SH3BGR: variants seen among roughly 807,000 people sequenced by gnomAD.
SH3BGR encodes the protein SH3 domain-binding glutamic acid-rich protein.
Under a neutral mutation model 24.5 loss-of-function variants are expected in SH3BGR, and 29 were observed. The ratio of observed to expected loss-of-function variants is 1.18; its 90% CI spans 0.88 to 1.61. The LOEUF (loss-of-function observed/expected upper bound fraction) is 1.61. Among genes scored for constraint, SH3BGR ranks in the 40% most tolerant of loss-of-function variants. SH3BGR has a pLI of 0.00. For missense variants in SH3BGR, 162 were observed against 205.8 expected (o/e 0.79, Z 1.30); for synonymous variants, 55 against 65.7 (o/e 0.84, Z 0.79).
At chr21:39,471,566 C>T (rs867931116) in intron 2 of SH3BGR, among the ~76,000 whole-genome samples, 1 of 152,230 alleles carries the variant, frequency 6.6e-6, no homozygotes, top group Middle Eastern at 3.4e-3. Context: ...ATTTCCTCCA[C>T]ATTTTTCATC....
chr21:39,505,036 C>A (rs1414972673), intron 4 of SH3BGR, among the ~76,000 whole-genome samples: 2 of 152,178 alleles, frequency 1.3e-5, no homozygotes, highest in African/African-American at 4.8e-5. Context: ...TGGCCTCAAA[C>A]TCCTGGCCTC....
intron 5 of SH3BGR, among the ~76,000 whole-genome samples, chr21:39,510,429 TACACACACACACAC>T (rs140320437): frequency 2.8e-5 from 3 of 105,602 alleles, no homozygotes; most frequent in African/African-American, 1.2e-4. Flanking sequence ...ACACTGTAGC[TACACACACACACAC>T]ACACACACAC....
chr21:39,469,058 G>A (rs958122601), intron 2 of SH3BGR, among the ~76,000 whole-genome samples: 3 of 149,112 alleles, frequency 2.0e-5, no homozygotes, highest in African/African-American at 7.5e-5. Flanking sequence ...TGCCCAGGCT[G>A]GAGTGCAGTG....
intron 3 of SH3BGR, 59 bp from the exon 4 acceptor site, chr21:39,499,764 G>GTTTTTTTTTTTTTTTTTTTT: frequency 9.6e-7 from 1 of 1,041,766 alleles, no homozygotes; most frequent in Non-Finnish European, 1.4e-6. Flanking sequence ...TATGTGGCCT[G>GTTTTTTTTTTTTTTTTTTTT]TTTTTTTTTT....
upstream of SH3BGR, among the ~76,000 whole-genome samples, chr21:39,448,721 C>T (rs1221351281): frequency 6.6e-6 from 1 of 152,080 alleles, no homozygotes; most frequent in Non-Finnish European, 1.5e-5. Context: ...ATGTCACAGC[C>T]AGAAGGATGA....
intron 3 of SH3BGR, among the ~76,000 whole-genome samples, chr21:39,481,491 A>C (rs2078130027): frequency 6.6e-6 from 1 of 152,268 alleles, no homozygotes; most frequent in African/African-American, 2.4e-5. Flanking sequence ...CACAAGGCTC[A>C]TAATCTGTAG....
intron 1 of SH3BGR, among the ~76,000 whole-genome samples, chr21:39,456,357 C>T (rs1357652143): frequency 6.6e-6 from 1 of 152,152 alleles, no homozygotes; most frequent in African/African-American, 2.4e-5. Flanking sequence ...ACAGCAAAGT[C>T]GTCTCTGAAA....
intron 3 of SH3BGR, among the ~76,000 whole-genome samples, chr21:39,481,127 T>G (rs976299235): frequency 6.6e-6 from 1 of 152,168 alleles, no homozygotes; most frequent in African/African-American, 2.4e-5. Context: ...CATGGACATT[T>G]TATTAATATT....
chr21:39,472,612 G>A (rs1437714323), intron 2 of SH3BGR, among the ~76,000 whole-genome samples: 2 of 152,156 alleles, frequency 1.3e-5, no homozygotes, highest in Admixed American at 6.5e-5. Flanking sequence ...CATGGCATGG[G>A]AATTTGAACT....
chr21:39,499,690 A>C (rs1178902488), intron 3 of SH3BGR, 133 bp from the exon 4 acceptor site: 1 of 608,398 alleles, frequency 1.6e-6, no homozygotes, highest in Non-Finnish European at 2.9e-6. Flanking sequence ...AAGTGACCTA[A>C]TGAGTGGGCA....
At chr21:39,496,392 C>G (rs4818039) in intron 3 of SH3BGR, among the ~76,000 whole-genome samples, 1 of 150,004 alleles carries the variant, frequency 6.7e-6, no homozygotes, top group East Asian at 2.0e-4. Flanking sequence ...CCCAGCTACT[C>G]GGGAGGCTGA....
upstream of SH3BGR, among the ~76,000 whole-genome samples, chr21:39,451,153 A>G (rs1392848342): frequency 6.6e-6 from 1 of 152,236 alleles, no homozygotes; most frequent in African/African-American, 2.4e-5. Context: ...CAAAATACCT[A>G]TATAAATATT....
At chr21:39,494,285 C>A (rs2123476735) in intron 3 of SH3BGR, among the ~76,000 whole-genome samples, 1 of 148,362 alleles carries the variant, frequency 6.7e-6, no homozygotes, top group Non-Finnish European at 1.5e-5. Flanking sequence ...ATCTTTTGTG[C>A]TTACCCAGAC....
In SH3BGR at chr21:39,504,068, C is replaced by A. The variant is rs73213753; in HGVS notation, c.405+4153C>A. Reference sequence around the variant, plus strand: ...GCTTTAGAAAATGCTGGAAACATTGCACCTTGTGCAGGTTTGGTTTGTGTT... The same window carrying A: ...GCTTTAGAAAATGCTGGAAACATTGAACCTTGTGCAGGTTTGGTTTGTGTT... On this transcript the variant is annotated intron_variant, in intron 4 of 6. Transcript: ENST00000333634. Among the ~76,000 whole-genome samples the A allele has an allele frequency of 3.2e-3, 491 of 152,316 alleles. 1 individual carries two copies. The highest frequency in any genetic ancestry group is 5.6e-3 in the Non-Finnish European group (380 of 68,026).
intron 2 of SH3BGR, among the ~76,000 whole-genome samples, chr21:39,472,534 C>A (rs1391056204): frequency 6.6e-6 from 1 of 152,114 alleles, no homozygotes; most frequent in South Asian, 2.1e-4. Context: ...TGCTAGTTTC[C>A]TTAGAACTGT....
intron 3 of SH3BGR, among the ~76,000 whole-genome samples, chr21:39,481,062 G>A (rs2078122376): frequency 6.6e-6 from 1 of 152,238 alleles, no homozygotes; most frequent in South Asian, 2.1e-4. Context: ...TTTTTGTGCT[G>A]TATTTTCAAT....
intron 5 of SH3BGR, among the ~76,000 whole-genome samples, chr21:39,510,390 A>G (rs927858350): frequency 1.5e-5 from 2 of 129,340 alleles, no homozygotes; most frequent in African/African-American, 6.2e-5. Context: ...ACACACACAC[A>G]CTGTAGCTAC....
At chr21:39,509,206 C>T (rs2078633940) in intron 5 of SH3BGR, among the ~76,000 whole-genome samples, 179 bp downstream of exon 5, 1 of 152,068 alleles carries the variant, frequency 6.6e-6, no homozygotes, top group South Asian at 2.1e-4. Context: ...TAAGTTTGTC[C>T]GAGGGAGGTG....
rs570470064 is a variant in SH3BGR, at chr21:39,481,200, C to T, written c.312+5985C>T. ...AAACTCTTAGCCAGGCATTGTGGTT[C>T]GTGCCTGTAATCCTAGCACTTAGGA... On this transcript the variant is annotated intron_variant, in intron 3 of 6. Transcript: ENST00000333634. Among the ~76,000 whole-genome samples, 20 of 152,212 alleles carry T rather than the reference C, an allele frequency of 1.3e-4. No homozygotes were observed. The East Asian group carries it at 3.5e-3, about 26-fold the overall frequency.
Sources: gnomAD v4.1 joint callset for allele counts (sites outside exome capture counted in the v4.1 genomes callset) on GRCh38, gnomAD v4.1.1 for gene constraint, MANE v1.5 for transcripts, NCBI Gene and HGNC (gene_info 2026-07-23, HGNC 2026-07-21) for gene names.